The following SAMD12 variants were observed in gnomAD, a reference collection of about 807,000 sequenced individuals.
SAMD12 encodes sterile alpha motif domain-containing protein 12.
Under a neutral mutation model 15.0 loss-of-function variants are expected in SAMD12, and 9 were observed. The ratio of observed to expected loss-of-function variants is 0.60; its 90% CI spans 0.36 to 1.05. SAMD12 has a LOEUF of 1.05. SAMD12 is among the 50% of genes least tolerant of loss of function. The probability of loss-of-function intolerance (pLI) is 0.01; values close to 1 mark genes in which losing one functional copy is unlikely to be tolerated. For synonymous variants in SAMD12, 86 were observed against 90.1 expected, an observed-to-expected ratio of 0.96 and a Z score of 0.25; for missense variants, 230 against 234.2, an observed-to-expected ratio of 0.98 and a Z score of 0.12.
chr8:118,600,071 A>C (rs1827822970), intron 1 of SAMD12, among the ~76,000 whole-genome samples: 1 of 152,192 alleles, frequency 6.6e-6, no homozygotes, highest in Admixed American at 6.5e-5. Context: ...GTCACGTGAA[A>C]GAAAATCTAG....
intron 4 of SAMD12, among the ~76,000 whole-genome samples, chr8:118,273,906 G>A (rs1813420259): frequency 6.6e-6 from 1 of 152,186 alleles, no homozygotes; most frequent in Non-Finnish European, 1.5e-5. Flanking sequence ...GCAAGGCCTG[G>A]ATCCATGACA....
intron 4 of SAMD12, among the ~76,000 whole-genome samples, chr8:118,335,448 C>G (rs1438370990): frequency 2.0e-5 from 3 of 152,170 alleles, no homozygotes; most frequent in Admixed American, 1.3e-4. Flanking sequence ...TGTCCGAAGT[C>G]CCAAGTACAA....
In SAMD12 at chr8:118,387,328, T is replaced by C. The variant is rs528932665; in HGVS notation, c.323-7628A>G. The stretch of plus-strand genomic sequence containing the variant: ...TGGGGATGAAAACCACACTATCTCA[T>C]AGAATGACCATGAGAGTCAAATGAA... On this transcript the variant is annotated intron_variant, in intron 3 of 3. Coordinates refer to ENST00000314727, the MANE Select transcript of SAMD12 (RefSeq NM_207506.3). Among the ~76,000 whole-genome samples the C allele has an allele frequency of 3.3e-5, 5 of 152,316 alleles. No individual in the cohort carries two copies. The East Asian group carries it at 5.8e-4, about 18-fold the overall frequency.
At chr8:118,505,343 C>CTT (rs56822477) in intron 2 of SAMD12, among the ~76,000 whole-genome samples, 4 of 133,372 alleles carry the variant, frequency 3.0e-5, no homozygotes, top group Non-Finnish European at 4.8e-5. Context: ...GGGCAGAGCT[C>CTT]TTTTTTTTTT....
chr8:118,269,220 C>CTCTCTGTGTGTG lies in SAMD12; in HGVS notation c.434-71489_434-71488insCACACACAGAGA, dbSNP rs1299970707. Among the ~76,000 whole-genome samples the CTCTCTGTGTGTG allele has an allele frequency of 8.9e-5, 11 of 123,038 alleles. No individual in the cohort carries two copies. The East Asian group carries it at 1.2e-3, about 14-fold the overall frequency. 80.7% of individuals were successfully genotyped at this position (123,038 alleles called of 152,430 possible). On this transcript the variant is annotated intron_variant, in intron 4 of 4. Coordinates refer to the SAMD12 transcript ENST00000409003. ...TCTCTCTCTCTCTCTCTCTCTCTCT[C>CTCTCTGTGTGTG]TGTGTGTGTGTGTGTGTGTGTGTGT... is the stretch of plus-strand genomic sequence containing the variant.
chr8:118,365,885 C>T (rs1050905203), intron 4 of SAMD12, among the ~76,000 whole-genome samples: 4 of 151,988 alleles, frequency 2.6e-5, no homozygotes. Flanking sequence ...TTTCCTGATC[C>T]CTTAGAGCCA....
intron 1 of SAMD12, among the ~76,000 whole-genome samples, chr8:118,582,772 T>C (rs897761226): frequency 1.8e-4 from 28 of 152,284 alleles, no homozygotes; most frequent in Middle Eastern, 6.8e-3. Flanking sequence ...CACGATTTCA[T>C]ATTACACATG....
intron 2 of SAMD12, among the ~76,000 whole-genome samples, chr8:118,522,210 ACACACG>A (rs58716279): frequency 0.37 from 54,525 of 145,958 alleles, 10,147 homozygotes; most frequent in Admixed American, 0.44. Flanking sequence ...ACACACACAC[ACACACG>A]ATAAAAAGAG....
intron 3 of SAMD12, among the ~76,000 whole-genome samples, chr8:118,393,213 G>A (rs1820373782): frequency 1.3e-5 from 1 of 79,408 alleles, no homozygotes; most frequent in South Asian, 2.8e-4. Flanking sequence ...GCAGAACAAG[G>A]ATTTCTTTTC....
intron 4 of SAMD12, chr8:118,288,246 G>A (rs907575913): frequency 6.6e-6 from 1 of 152,136 alleles, no homozygotes; most frequent in Admixed American, 6.5e-5. Context: ...CAGGTGCCAA[G>A]ACTGAGGCTC....
chr8:118,535,566 C>T (rs1387507811), intron 2 of SAMD12, among the ~76,000 whole-genome samples: 1 of 152,236 alleles, frequency 6.6e-6, no homozygotes, highest in African/African-American at 2.4e-5. Context: ...CAGAGGCAGG[C>T]AGACCTCCTT....
chr8:118,160,591 T>G, the SAMD12 span, among the ~76,000 whole-genome samples: 1 of 152,210 alleles, frequency 6.6e-6, no homozygotes, highest in Admixed American at 6.5e-5. Context: ...GGAAAGAGTT[T>G]CATTCAAGTT....
At chr8:118,152,601 C>T in the SAMD12 span, among the ~76,000 whole-genome samples, 1 of 152,036 alleles carries the variant, frequency 6.6e-6, no homozygotes, top group Admixed American at 6.5e-5. Context: ...CAGTCTCAAA[C>T]AATCCTCCTG....
chr8:118,222,445 A>G (rs904811896), intron 4 of SAMD12, among the ~76,000 whole-genome samples: 2 of 152,202 alleles, frequency 1.3e-5, no homozygotes, highest in African/African-American at 4.8e-5. Context: ...AATCTCTGCC[A>G]TAATTACCTC....
chr8:118,520,336 G>A (rs80142364), intron 2 of SAMD12, among the ~76,000 whole-genome samples: 6,001 of 152,160 alleles, frequency 0.039, 190 homozygotes, highest in South Asian at 0.13. Flanking sequence ...CATTGGGAAG[G>A]TCTGAACTGG....
intron 1 of SAMD12, among the ~76,000 whole-genome samples, chr8:118,602,315 T>A (rs1191780213): frequency 1.3e-5 from 2 of 152,200 alleles, no homozygotes; most frequent in Admixed American, 1.3e-4. Flanking sequence ...CATATATGAT[T>A]CAGAAAGCCC....
the SAMD12 span, among the ~76,000 whole-genome samples, chr8:118,178,438 T>C: frequency 2.0e-5 from 3 of 152,152 alleles, no homozygotes; most frequent in African/African-American, 7.2e-5. Context: ...CATTGTATGA[T>C]TTTTCAAACA....
chr8:118,481,752 G>A (rs1016201623), intron 2 of SAMD12, among the ~76,000 whole-genome samples: 3 of 151,538 alleles, frequency 2.0e-5, no homozygotes, highest in Non-Finnish European at 2.9e-5. Flanking sequence ...AAAAAAAATA[G>A]CAGGGGCACA....
chr8:118,473,100 C>A (rs1428089043), intron 2 of SAMD12, among the ~76,000 whole-genome samples: 1 of 152,094 alleles, frequency 6.6e-6, no homozygotes, highest in Non-Finnish European at 1.5e-5. Context: ...AGGGAGAGGC[C>A]AAGGTATGTC....
Sources: gnomAD v4.1 joint callset for allele counts (sites outside exome capture counted in the v4.1 genomes callset) on GRCh38, gnomAD v4.1.1 for gene constraint, MANE v1.5 for transcripts, NCBI Gene and HGNC (gene_info 2026-07-23, HGNC 2026-07-21) for gene names.